The following NOM1 variants were observed in gnomAD, a reference collection of about 807,000 sequenced individuals.
The protein encoded by NOM1 is nucleolar MIF4G domain-containing protein 1.
Under a neutral mutation model 73.3 loss-of-function variants are expected in NOM1, and 58 were observed. That is an observed-to-expected ratio of 0.79 (90% confidence interval 0.64 to 0.99). NOM1 has a LOEUF of 0.99. Among genes scored for constraint, NOM1 ranks in the 50% least tolerant of loss-of-function variants. The pLI, the probability that NOM1 is intolerant of heterozygous loss-of-function variation, is 0.00. For missense variants in NOM1, 1,226 were observed against 1,131.9 expected (o/e 1.08, Z -1.19); for synonymous variants, 487 against 446.8 (o/e 1.09, Z -1.14).
chr7:156,967,984 T>C (rs1805042842), intron 9 of NOM1, among the ~76,000 whole-genome samples: 1 of 152,028 alleles, frequency 6.6e-6, no homozygotes, highest in African/African-American at 2.4e-5. Context: ...TTGACTGCAG[T>C]GGCCCAGACC....
intron 3 of NOM1, among the ~76,000 whole-genome samples, chr7:156,959,463 A>G (rs147144314): frequency 8.7e-4 from 132 of 151,782 alleles, no homozygotes; most frequent in Non-Finnish European, 1.3e-3. Context: ...GATGGTCTTG[A>G]TATCTCCTGA....
intron 5 of NOM1, among the ~76,000 whole-genome samples, chr7:156,962,608 ACT>A (rs944241123): frequency 2.0e-5 from 3 of 151,938 alleles, no homozygotes; most frequent in Non-Finnish European, 2.9e-5. Context: ...AGGTCCTTTG[ACT>A]CTCTCTGACA....
chr7:156,968,985 A>AG (rs71522061), intron 9 of NOM1, 102 bp from the exon 10 acceptor site: 7,367 of 688,330 alleles, frequency 0.011, 60 homozygotes, highest in Non-Finnish European at 0.014. Context: ...GAGTGGGGGA[A>AG]GGGGGGAGAT....
In NOM1 at chr7:156,950,425, G is replaced by A. The variant is rs757748935; in HGVS notation, c.688G>A (p.Gly230Ser). ...LGALESGKNS[G>S]LYDSSGEEEE... Reference sequence around the variant, plus strand: ...AGCCCTGGAGTCTGGGAAAAATAGCGGCTTGTACGACAGCAGTGGTGAGGA... The same window carrying A: ...AGCCCTGGAGTCTGGGAAAAATAGCAGCTTGTACGACAGCAGTGGTGAGGA... Residue 230 changes from glycine (G) to serine (S), a missense_variant, in exon 1 of 11, where the codon GGC (glycine) becomes AGC (serine). By Grantham distance (56) the Gly-to-Ser change is moderately conservative. Coordinates refer to ENST00000275820, the MANE Select transcript of NOM1 (RefSeq NM_138400.2). The A allele has an allele frequency of 5.0e-6, 8 of 1,614,214 alleles. No homozygotes were observed. In the South Asian group the frequency reaches 8.8e-5, roughly 18 times the overall value.
At position 156,972,985 on chromosome 7, in the gene NOM1, T is replaced by C. The variant is rs180994157; in HGVS notation, c.*3282T>C. ...AAATTTATTACAGTGCAATTGAAAATACACTTAAAATACTGCAGGATGCTT... is the reference window on the plus strand; with the variant it reads ...AAATTTATTACAGTGCAATTGAAAACACACTTAAAATACTGCAGGATGCTT... On this transcript the variant is annotated 3_prime_UTR_variant, in exon 11 of 11. Transcript: ENST00000275820. The C allele has an allele frequency of 1.4e-4, 21 of 152,328 alleles. No homozygotes were observed. The highest frequency in any genetic ancestry group is 4.6e-4 in the African/African-American group (19 of 41,576). The allele number at this position is 152,328 out of a possible 1,614,324, so 9.4% of individuals were successfully genotyped here. A position where few individuals can be genotyped will look rare whatever the true frequency, so the allele number is the denominator to read the frequency against.
intron 2 of NOM1, among the ~76,000 whole-genome samples, 160 bp downstream of exon 2, chr7:156,952,758 C>T (rs1372530082): frequency 6.6e-6 from 1 of 151,954 alleles, no homozygotes; most frequent in Non-Finnish European, 1.5e-5. Flanking sequence ...ACCCATACCT[C>T]GAGAAGGAGA....
At chr7:156,950,986 CTG>C (rs1804578570) in intron 1 of NOM1, among the ~76,000 whole-genome samples, 1 of 152,230 alleles carries the variant, frequency 6.6e-6, no homozygotes, top group Non-Finnish European at 1.5e-5. Context: ...CATCTTCATT[CTG>C]TGTTTACCAG....
intron 10 of NOM1, 49 bp downstream of exon 10, chr7:156,969,245 T>C (rs1191772856): frequency 1.0e-6 from 1 of 998,536 alleles, no homozygotes; most frequent in Non-Finnish European, 1.6e-6. Flanking sequence ...AATGAAGAGA[T>C]TGTTTTCACT....
At position 156,969,769 on chromosome 7, in the gene NOM1, A is replaced by T; in HGVS notation, c.*66A>T. 2 of 1,446,426 alleles carry T rather than the reference A, an allele frequency of 1.4e-6. No individual in the cohort carries two copies. The highest frequency in any genetic ancestry group is 2.1e-5 in the Admixed American group (1 of 47,336). 89.6% of individuals were successfully genotyped at this position (1,446,426 alleles called of 1,614,324 possible). On this transcript the variant is annotated 3_prime_UTR_variant, in exon 11 of 11. Transcript: ENST00000275820. ...ATGTCCTTGGTAAACCCAAAGGCTTATTCTGTTGCCTGCGTGTGAATGTTT... is the reference window on the plus strand; with the variant it reads ...ATGTCCTTGGTAAACCCAAAGGCTTTTTCTGTTGCCTGCGTGTGAATGTTT...
intron 4 of NOM1, among the ~76,000 whole-genome samples, chr7:156,961,398 G>A (rs1804861112): frequency 6.6e-6 from 1 of 152,158 alleles, no homozygotes; most frequent in Non-Finnish European, 1.5e-5. Context: ...GGGGGCTGGA[G>A]AAGGGAATGG....
rs114916388 is a variant in NOM1 at position 156,963,939 on chromosome 7, A to T, written c.1946A>T (p.Gln649Leu). The T allele has an allele frequency of 1.0e-4, 168 of 1,614,192 alleles. No individual in the cohort carries two copies. The African/African-American group carries it at 1.8e-3, about 18-fold the overall frequency. Residue 649 changes from glutamine to leucine, a missense_variant, in exon 7 of 11, where the codon CAG becomes CTG. Transcript: ENST00000275820. The stretch of plus-strand genomic sequence containing the variant: ...AAGATCCTAGAACTCGCCCGGAAGC[A>T]GAGGATGAACACAGACATCCGGAGA... ...SSKILELARKQRMNTDIRRNI... is the reference protein window; with the variant it reads ...SSKILELARKLRMNTDIRRNI...
In NOM1 at chr7:156,954,126, C is replaced by G; in HGVS notation, c.1136C>G (p.Ser379Cys). The G allele has an allele frequency of 6.2e-7, 1 of 1,611,822 alleles. No individual in the cohort carries two copies. The highest frequency in any genetic ancestry group is 1.7e-4 in the Middle Eastern group (1 of 6,052). The change falls in exon 3 of 11, where the codon TCC (serine) becomes TGC (cysteine). Residue 379 changes from serine to cysteine, a missense_variant. Ser to Cys is a moderately radical substitution (Grantham distance 112, BLOSUM62 -1). Transcript: ENST00000275820. The stretch of plus-strand genomic sequence containing the variant: ...AGGTTGAGTGAACCCAACATGGCTT[C>G]CATCAGTGGGCAGCTGGAGGAACTG... The part of the protein sequence containing the change: ...LNRLSEPNMA[S>C]ISGQLEELYM...
At chr7:156,953,206 C>A (rs1215180872) in intron 2 of NOM1, among the ~76,000 whole-genome samples, 1 of 152,154 alleles carries the variant, frequency 6.6e-6, no homozygotes, top group Non-Finnish European at 1.5e-5. Context: ...TCACTGCAAC[C>A]TCTGCCTCCA....
Position 156,963,914 on chromosome 7 carries a change from A to G in NOM1, c.1921A>G (p.Lys641Glu). Residue 641 changes from lysine (K) to glutamate (E), a missense_variant, in exon 7 of 11, where the codon AAG (lysine) becomes GAG (glutamate). Physicochemically the swap from Lys to Glu is moderately conservative, Grantham distance 56. Coordinates refer to ENST00000275820, the MANE Select transcript of NOM1 (RefSeq NM_138400.2). Reference protein sequence around the residue: ...QKQLVGTVSSKILELARKQRM... With the variant: ...QKQLVGTVSSEILELARKQRM... ...TTCATCGTGCTTCCAGGTCAGTTCA[A>G]AGATCCTAGAACTCGCCCGGAAGCA... 7 of 1,613,868 alleles carry G rather than the reference A, an allele frequency of 4.3e-6. No individual in the cohort carries two copies. In the South Asian group the frequency reaches 5.5e-5, roughly 13 times the overall value.
chr7:156,950,454 G>A lies in NOM1; in HGVS notation c.717G>A (p.Glu239=). The A allele has an allele frequency of 6.2e-7, 1 of 1,614,016 alleles. No individual in the cohort carries two copies. The highest frequency in any genetic ancestry group is 1.1e-5 in the South Asian group (1 of 91,080). ...SGLYDSSGEE[E]EDAGQTLPES... ...TGTACGACAGCAGTGGTGAGGAGGAGGAAGATGCCGGACAGACACTCCCCG... is the reference window on the plus strand; with the variant it reads ...TGTACGACAGCAGTGGTGAGGAGGAAGAAGATGCCGGACAGACACTCCCCG... The change falls in exon 1 of 11, where the codon GAG becomes GAA. Residue 239 remains glutamate, a synonymous_variant. Transcript: ENST00000275820.
In NOM1 at chr7:156,969,206, C is replaced by G. The variant is rs1296001827; in HGVS notation, c.2408+10C>G. The G allele has an allele frequency of 1.5e-6, 2 of 1,305,104 alleles. No homozygotes were observed. The highest frequency in any genetic ancestry group is 2.2e-6 in the Non-Finnish European group (2 of 900,708). 80.8% of individuals were successfully genotyped at this position (1,305,104 alleles called of 1,614,324 possible). The stretch of plus-strand genomic sequence containing the variant: ...GTTTAATTTTCACAAGGTATGTGCC[C>G]CACCCTTTCCGACGAGACATGGAAG... On this transcript the variant is annotated intron_variant, in intron 10 of 10. Transcript: ENST00000275820.
intron 2 of NOM1, among the ~76,000 whole-genome samples, chr7:156,952,889 A>T (rs1387237046): frequency 1.3e-5 from 2 of 152,260 alleles, no homozygotes; most frequent in Non-Finnish European, 2.9e-5. Context: ...GTCTAAGGAC[A>T]GTGTTGGAAG....
chr7:156,955,597 A>G (rs1251553365), intron 3 of NOM1, among the ~76,000 whole-genome samples: 1 of 152,314 alleles, frequency 6.6e-6, no homozygotes, highest in East Asian at 1.9e-4. Flanking sequence ...GTACGTTTAT[A>G]TACTTTCGTC....
At chr7:156,961,478 G>T (rs1804863339) in intron 4 of NOM1, among the ~76,000 whole-genome samples, 2 of 152,168 alleles carry the variant, frequency 1.3e-5, no homozygotes, top group Admixed American at 1.3e-4. Flanking sequence ...TGGGGAGCTG[G>T]CTGGGGAGTT....
Sources: gnomAD v4.1 joint callset for allele counts (sites outside exome capture counted in the v4.1 genomes callset) on GRCh38, gnomAD v4.1.1 for gene constraint, MANE v1.5 for transcripts, NCBI Gene and HGNC (gene_info 2026-07-23, HGNC 2026-07-21) for gene names.